The following LMTK3 variants were observed in gnomAD, a reference collection of about 807,000 sequenced individuals.
The protein encoded by LMTK3 is serine/threonine-protein kinase LMTK3.
Under a neutral mutation model 116.7 loss-of-function variants are expected in LMTK3, and 27 were observed. The observed-to-expected ratio is 0.23, with a 90% CI of 0.17 to 0.32. The LOEUF (loss-of-function observed/expected upper bound fraction) is 0.32. Among genes scored for constraint, LMTK3 ranks in the 10% least tolerant of loss-of-function variants. The pLI, the probability that LMTK3 is intolerant of heterozygous loss-of-function variation, is 1.00. For synonymous variants in LMTK3, 965 were observed against 971.0 expected (o/e 0.99, Z 0.11); for missense variants, 1,764 against 2,068.5 (o/e 0.85, Z 2.86).
chr19:48,511,970 T>TC (rs1456683701), upstream of LMTK3, among the ~76,000 whole-genome samples: 1 of 127,920 alleles, frequency 7.8e-6, no homozygotes, highest in Admixed American at 9.1e-5. Context: ...GGCAACTGGC[T>TC]CCCCCGTAGC....
chr19:48,513,433 C>A (rs1972693014), upstream of LMTK3: 2 of 545,602 alleles, frequency 3.7e-6, no homozygotes, highest in Non-Finnish European at 6.6e-6. This position sits in a 1 kb window ranked among gnomAD's most constrained non-coding sequence, Gnocchi z 5.6. Context: ...GACTGGAACC[C>A]GGTCCATCGG....
chr19:48,503,810 T>TC (rs199507454), intron 5 of LMTK3, among the ~76,000 whole-genome samples: 6 of 151,224 alleles, frequency 4.0e-5, no homozygotes, highest in Admixed American at 3.3e-4. Context: ...TCTCTCTCTC[T>TC]TTTTTTTCCT....
chr19:48,503,908 C>T (rs912519769), intron 5 of LMTK3, among the ~76,000 whole-genome samples: 4 of 144,916 alleles, frequency 2.8e-5, no homozygotes, highest in African/African-American at 1.0e-4. Flanking sequence ...ATTCTTATCA[C>T]TCAGGCTGGA....
At chr19:48,503,664 G>A (rs912221680) in intron 5 of LMTK3, among the ~76,000 whole-genome samples, 5 of 152,080 alleles carry the variant, frequency 3.3e-5, no homozygotes, top group Admixed American at 1.3e-4. Flanking sequence ...CAGCACCCCA[G>A]GATAGAGCGC....
chr19:48,498,129 C>T lies in LMTK3; in HGVS notation c.2940G>A (p.Arg980=), dbSNP rs1397421550. The T allele has an allele frequency of 1.2e-6, 2 of 1,613,538 alleles. No individual in the cohort carries two copies. Among genetic ancestry groups the T allele is most frequent in the Non-Finnish European group, 1.7e-6 (2 of 1,179,796 alleles). ...EEKALENGEL[R]SPEAGEKVLV... is the part of the protein sequence containing the mutation. ...GCACCTTCTCCCCGGCCTCTGGGGA[C>T]CTCAGCTCCCCATTCTCCAGCGCTT... The change falls in exon 11 of 15, where the codon AGG becomes AGA. Residue 980 remains arginine (R), a synonymous_variant. Transcript: ENST00000600059.
chr19:48,501,156 C>T lies in LMTK3; in HGVS notation c.1002-11G>A. On this transcript the variant is annotated splice_polypyrimidine_tract_variant and intron_variant, in intron 9 of 14. Coordinates refer to ENST00000600059, the MANE Select transcript of LMTK3 (RefSeq NM_001388485.1). ...GTCACCCCCAGGGACCTGCAGAGAGCAGAGAGAGGTCAGAGCCCAGCCCTG... is the reference window on the plus strand; with the variant it reads ...GTCACCCCCAGGGACCTGCAGAGAGTAGAGAGAGGTCAGAGCCCAGCCCTG... 4 of 1,611,106 alleles carry T rather than the reference C, an allele frequency of 2.5e-6. No individual in the cohort carries two copies. The highest frequency in any genetic ancestry group is 2.5e-6 in the Non-Finnish European group (3 of 1,178,592).
chr19:48,494,037 C>T lies in LMTK3; in HGVS notation c.3749G>A (p.Arg1250Gln), dbSNP rs1972280677. Residue 1250 changes from arginine to glutamine, a missense_variant, in exon 12 of 15, where the codon CGG (arginine) becomes CAG (glutamine). Transcript: ENST00000600059. This position sits in a 1 kb window ranked among gnomAD's most constrained non-coding sequence, Gnocchi z 4.0. Reference protein sequence around the residue: ...LTPFPGPGPRRPPWEGADAGA... With the variant: ...LTPFPGPGPRQPPWEGADAGA... The stretch of plus-strand genomic sequence containing the variant: ...GGCGTCCGCGCCCTCCCACGGGGGC[C>T]GCCGCGGGCCCGGCCCCGGGAATGG... 7 of 1,163,144 alleles carry T rather than the reference C, an allele frequency of 6.0e-6. No homozygotes were observed. Among genetic ancestry groups the T allele is most frequent in the African/African-American group, 1.6e-5 (1 of 61,616 alleles). 72.1% of individuals were successfully genotyped at this position (1,163,144 alleles called of 1,614,324 possible).
intron 5 of LMTK3, among the ~76,000 whole-genome samples, chr19:48,504,810 A>C (rs1972535851): frequency 1.3e-5 from 2 of 152,138 alleles, no homozygotes; most frequent in African/African-American, 4.8e-5. Context: ...GGCCTCCCGA[A>C]GTGCTGGGAT....
chr19:48,494,495 A>G lies in LMTK3; in HGVS notation c.3677-386T>C, dbSNP rs1972290784. Among the ~76,000 whole-genome samples, 1 of 152,080 alleles carries G rather than the reference A, an allele frequency of 6.6e-6. No individual in the cohort carries two copies. The highest frequency in any genetic ancestry group is 2.4e-5 in the African/African-American group (1 of 41,418). On this transcript the variant is annotated intron_variant, in intron 11 of 14. Transcript: ENST00000600059. This position sits in a 1 kb window ranked among gnomAD's most constrained non-coding sequence, Gnocchi z 4.0. ...GGCGCACGTGCCACCATGCCCGGCT[A>G]ATTTTTTGTATTTTTAGTAGAGACG...
At chr19:48,495,570 T>A (rs2147537498) in intron 11 of LMTK3, among the ~76,000 whole-genome samples, 1 of 152,244 alleles carries the variant, frequency 6.6e-6, no homozygotes, top group East Asian at 1.9e-4. Flanking sequence ...GTTCACAAAC[T>A]CCCTACAACA....
intron 11 of LMTK3, among the ~76,000 whole-genome samples, chr19:48,496,985 T>C (rs1250421992): frequency 2.6e-5 from 4 of 152,228 alleles, no homozygotes; most frequent in Non-Finnish European, 2.9e-5. Flanking sequence ...CCTAGCATGC[T>C]TCATCCGTTT....
At chr19:48,510,284 C>T in intron 2 of LMTK3, 111 bp from the exon 3 acceptor site, 1 of 1,426,868 alleles carries the variant, frequency 7.0e-7, no homozygotes, top group Non-Finnish European at 9.5e-7. Context: ...CTCCCAGTCC[C>T]AGCCCAATTT....
chr19:48,494,163 C>T lies in LMTK3; in HGVS notation c.3677-54G>A. The T allele has an allele frequency of 3.7e-6, 4 of 1,074,724 alleles. No homozygotes were observed. Among genetic ancestry groups the T allele is most frequent in the Non-Finnish European group, 4.6e-6 (4 of 871,104 alleles). The allele number at this position is 1,074,724 out of a possible 1,614,324, so 66.6% of individuals were successfully genotyped here. A position where few individuals can be genotyped will look rare whatever the true frequency, so the allele number is the denominator to read the frequency against. On this transcript the variant is annotated intron_variant, in intron 11 of 14. Transcript: ENST00000600059. This position sits in a 1 kb window ranked among gnomAD's most constrained non-coding sequence, Gnocchi z 4.0. ...TGTCCCGGTGAAACTGAGGCAGGCC[C>T]TCCCACCTAGCTGTGTGGCCTCAGA...
intron 5 of LMTK3, 56 bp from the exon 6 acceptor site, chr19:48,503,052 C>T: frequency 1.9e-6 from 2 of 1,047,652 alleles, no homozygotes; most frequent in South Asian, 1.3e-5. Context: ...CTTCATCCTG[C>T]CCCAACCCCC....
chr19:48,504,796 C>G (rs1176466567), intron 5 of LMTK3, among the ~76,000 whole-genome samples: 1 of 152,150 alleles, frequency 6.6e-6, no homozygotes, highest in African/African-American at 2.4e-5. Context: ...GATCCACCCA[C>G]TTCGGCCTCC....
chr19:48,510,225 C>T (rs1256246948), intron 2 of LMTK3, 52 bp from the exon 3 acceptor site: 13 of 1,568,698 alleles, frequency 8.3e-6, no homozygotes, highest in East Asian at 2.3e-5. Context: ...CTGAGAGACA[C>T]GCCATCGTCT....
Position 48,497,403 on chromosome 19 carries a change from C to T in LMTK3, c.3666G>A (p.Glu1222=), listed in dbSNP as rs746483090. Residue 1222 remains glutamate (E), a synonymous_variant, in exon 11 of 15, where the codon GAG becomes GAA. Transcript: ENST00000600059. This position sits in a 1 kb window ranked among gnomAD's most constrained non-coding sequence, Gnocchi z 5.7. The stretch of plus-strand genomic sequence containing the variant: ...CCGCAGCCTCCTCACCTTTGATCTG[C>T]TCGCTGTTCCCCTGAGGGGGTCCCA... ...LDLGPPQGNS[E]QIKARLSRLS... The T allele has an allele frequency of 6.6e-7, 1 of 1,523,878 alleles. No homozygotes were observed. The highest frequency in any genetic ancestry group is 1.3e-5 in the South Asian group (1 of 78,980). 94.4% of individuals were successfully genotyped at this position (1,523,878 alleles called of 1,614,324 possible).
Position 48,497,424 on chromosome 19 carries a change from T to C in LMTK3, c.3645A>G (p.Gly1215=). ...PEMPRLFLDL[G]PPQGNSEQIK... ...TCTGCTCGCTGTTCCCCTGAGGGGG[T>C]CCCAAGTCCAAGAATAGTCGTGGCA... The change falls in exon 11 of 15, where the codon GGA becomes GGG. Residue 1215 remains glycine (G), a synonymous_variant. Coordinates refer to ENST00000600059, the MANE Select transcript of LMTK3 (RefSeq NM_001388485.1). This position sits in a 1 kb window ranked among gnomAD's most constrained non-coding sequence, Gnocchi z 5.7. The C allele has an allele frequency of 6.5e-7, 1 of 1,536,686 alleles. No individual in the cohort carries two copies. The highest frequency in any genetic ancestry group is 8.7e-7 in the Non-Finnish European group (1 of 1,144,998).
At position 48,498,712 on chromosome 19, in the gene LMTK3, G is replaced by C; in HGVS notation, c.2357C>G (p.Pro786Arg). 4 of 1,533,156 alleles carry C rather than the reference G, an allele frequency of 2.6e-6. No individual in the cohort carries two copies. Among genetic ancestry groups the C allele is most frequent in the Non-Finnish European group, 3.5e-6 (4 of 1,145,282 alleles). The allele number at this position is 1,533,156 out of a possible 1,614,324, so 95.0% of individuals were successfully genotyped here. A position where few individuals can be genotyped will look rare whatever the true frequency, so the allele number is the denominator to read the frequency against. Residue 786 changes from proline to arginine, a missense_variant, in exon 11 of 15, where the codon CCG becomes CGG. Pro to Arg is a moderately radical substitution (Grantham distance 103, BLOSUM62 -2). Coordinates refer to ENST00000600059, the MANE Select transcript of LMTK3 (RefSeq NM_001388485.1). ...GCCGCTGTCCCCCGGCTTGGGGCCC[G>C]GCGACGAGAGGCCTGAACCGGGACT... Reference protein sequence around the residue: ...VASPGSGLSSPGPKPGDSGYE... With the variant: ...VASPGSGLSSRGPKPGDSGYE...
Sources: gnomAD v4.1 joint callset for allele counts (sites outside exome capture counted in the v4.1 genomes callset) on GRCh38, gnomAD v4.1.1 for gene constraint, Gnocchi (gnomAD v3.1) non-coding constraint, MANE v1.5 for transcripts, NCBI Gene and HGNC (gene_info 2026-07-23, HGNC 2026-07-21) for gene names.